Variants in USP24 observed in about 807,000 individuals in gnomAD.
The protein encoded by USP24 is ubiquitin specific peptidase 24, also known as ubiquitin carboxyl-terminal hydrolase 24.
In USP24, 97 loss-of-function variants were observed where a neutral mutation model predicts 361.6. That is an observed-to-expected ratio of 0.27 (90% CI 0.23 to 0.32). USP24 has a LOEUF of 0.32. USP24 is among the 10% of genes least tolerant of loss of function. The pLI, the probability that USP24 is intolerant of heterozygous loss-of-function variation, is 1.00. For missense variants in USP24, 2,353 were observed against 3,165.6 expected (o/e 0.74, Z 6.16); for synonymous variants, 1,098 against 1,124.6 (o/e 0.98, Z 0.47).
In USP24 at chr1:55,079,334, C is replaced by A. The variant is rs555552815; in HGVS notation, c.7200+204G>T. ...GGGCCCTGATGGGTAGCTGGCTGGG[C>A]TGGACCTGGAGGTCTGGACCTTGGC... is the stretch of plus-strand genomic sequence containing the variant. On this transcript the variant is annotated intron_variant, in intron 60 of 67. Transcript: ENST00000294383. Among the ~76,000 whole-genome samples, 291 of 152,212 alleles carry A rather than the reference C, an allele frequency of 1.9e-3. 1 individual carries two copies. The highest frequency in any genetic ancestry group is 3.7e-3 in the Non-Finnish European group (250 of 68,034).
intron 1 of USP24, among the ~76,000 whole-genome samples, chr1:55,201,574 C>A (rs1644575051): frequency 7.8e-6 from 1 of 127,490 alleles, no homozygotes. Context: ...GCACTCTAGC[C>A]TGGGTGACAG....
In USP24 at chr1:55,077,291, C is replaced by T; in HGVS notation, c.7324G>A (p.Glu2442Lys). 1 of 1,539,820 alleles carries T rather than the reference C, an allele frequency of 6.5e-7. No homozygotes were observed. Among genetic ancestry groups the T allele is most frequent in the Non-Finnish European group, 8.8e-7 (1 of 1,137,244 alleles). The change falls in exon 62 of 68, where the codon GAA becomes AAA. Residue 2442 changes from glutamate to lysine, a missense_variant. This residue lies in a region of USP24 where 598 missense variants were observed against 761.9 expected (regional missense o/e 0.78). Transcript: ENST00000294383. ...TTTAACTCATGAGGTGGAGCCGTTTCTAGTTGGTTCTGAAATATTTTTTAA... is the reference window on the plus strand; with the variant it reads ...TTTAACTCATGAGGTGGAGCCGTTTTTAGTTGGTTCTGAAATATTTTTTAA... Reference protein sequence around the residue: ...TMLHFIKNQLETAPPHELKNT... With the variant: ...TMLHFIKNQLKTAPPHELKNT...
chr1:55,200,197 CA>C lies in USP24; in HGVS notation c.324+14592del, dbSNP rs556238778. Among the ~76,000 whole-genome samples the C allele has an allele frequency of 1.9e-3, 282 of 152,320 alleles. 2 individuals carry two copies. Among genetic ancestry groups the C allele is most frequent in the African/African-American group, 6.6e-3 (273 of 41,574 alleles). On this transcript the variant is annotated intron_variant, in intron 1 of 67. Transcript: ENST00000294383. ...ATCAAGTATCAAATCAAATTATACCCAGTTTAAATTTGTAGCAGACCATTTT... is the reference window on the plus strand; with the variant it reads ...ATCAAGTATCAAATCAAATTATACCCGTTTAAATTTGTAGCAGACCATTTT...
At position 55,172,066 on chromosome 1, in the gene USP24, C is replaced by G. The variant is rs541786550; in HGVS notation, c.702+311G>C. Reference sequence around the variant, plus strand: ...TACTGTTACCTGTTGGGGGAAAAGGCCAGAAACCAAACTCCATCTACATGA... The same window carrying G: ...TACTGTTACCTGTTGGGGGAAAAGGGCAGAAACCAAACTCCATCTACATGA... On this transcript the variant is annotated intron_variant, in intron 4 of 67. Coordinates refer to ENST00000294383, the MANE Select transcript of USP24 (RefSeq NM_015306.3). Among the ~76,000 whole-genome samples, 194 of 152,108 alleles carry G rather than the reference C, an allele frequency of 1.3e-3. 1 individual carries two copies. Among genetic ancestry groups the G allele is most frequent in the African/African-American group, 4.6e-3 (192 of 41,490 alleles).
Position 55,129,464 on chromosome 1 carries a change from T to C in USP24, c.3635+13A>G, listed in dbSNP as rs370621682. The C allele has an allele frequency of 1.0e-4, 167 of 1,611,860 alleles. No homozygotes were observed. Among genetic ancestry groups the C allele is most frequent in the Middle Eastern group, 1.7e-4 (1 of 6,058 alleles). On this transcript the variant is annotated intron_variant, in intron 32 of 67. Transcript: ENST00000294383. Reference sequence around the variant, plus strand: ...TTTCGGCAACTCATGTAACATTACATTGAAACTCTAACCTCAAACCGCCAG... The same window carrying C: ...TTTCGGCAACTCATGTAACATTACACTGAAACTCTAACCTCAAACCGCCAG...
At chr1:55,152,969 GAA>G (rs1647270226) in intron 16 of USP24, among the ~76,000 whole-genome samples, 1 of 152,146 alleles carries the variant, frequency 6.6e-6, no homozygotes, top group African/African-American at 2.4e-5. Context: ...AAAAGCCAAG[GAA>G]TATGTTTTAC....
intron 55 of USP24, among the ~76,000 whole-genome samples, chr1:55,088,819 T>C (rs1645308908): frequency 6.6e-6 from 1 of 152,156 alleles, no homozygotes; most frequent in Non-Finnish European, 1.5e-5. Flanking sequence ...ACATTCATAG[T>C]GATTGGAGCA....
intron 38 of USP24, among the ~76,000 whole-genome samples, chr1:55,116,602 G>A (rs961314415): frequency 1.3e-5 from 2 of 150,864 alleles, no homozygotes; most frequent in African/African-American, 4.9e-5. Context: ...AACCTACCAC[G>A]ATTGAATCAG....
rs1465231179 is a variant in USP24 at position 55,148,571 on chromosome 1, C to A, written c.1861-1G>T. 6.4e-7 allele frequency: 1 copy of A among 1,560,292 alleles called. No homozygotes were observed. Among genetic ancestry groups the A allele is most frequent in the Middle Eastern group, 1.7e-4 (1 of 5,978 alleles). ...ACTGGGGATTATTAAGCTGAGATGA[C>A]TAGAGTTAAAAAGAAGTTACATTAA... On this transcript the variant is annotated splice_acceptor_variant, in intron 16 of 67. Transcript: ENST00000294383. LOFTEE classifies it high-confidence loss of function.
intron 32 of USP24, 144 bp downstream of exon 32, chr1:55,129,333 T>G (rs965969987): frequency 1.8e-6 from 1 of 568,808 alleles, no homozygotes; most frequent in Middle Eastern, 3.1e-4. Flanking sequence ...TTTAAAGGAC[T>G]GAAACATCAT....
rs1030528476 is a variant in USP24, at chr1:55,068,348, C to T, written c.*697G>A. The T allele has an allele frequency of 6.6e-6, 1 of 152,164 alleles. No individual in the cohort carries two copies. The highest frequency in any genetic ancestry group is 1.5e-5 in the Non-Finnish European group (1 of 68,028). The allele number at this position is 152,164 out of a possible 1,614,324, so 9.4% of individuals were successfully genotyped here. On this transcript the variant is annotated 3_prime_UTR_variant, in exon 68 of 68. Coordinates refer to ENST00000294383, the MANE Select transcript of USP24 (RefSeq NM_015306.3). Reference sequence around the variant, plus strand: ...GGAGAACACAGCATTTTCAAAATTGCTCTTTTCAATCTAATTATATCAGAA... The same window carrying T: ...GGAGAACACAGCATTTTCAAAATTGTTCTTTTCAATCTAATTATATCAGAA...
At position 55,066,797 on chromosome 1, in the gene USP24, G is replaced by A. The variant is rs1644832569; in HGVS notation, c.*2248C>T. ...CACACAGCATTATTGAGTTAATTGT[G>A]CAATTCCTGCTCTGTTTGCAGACCA... On this transcript the variant is annotated 3_prime_UTR_variant, in exon 68 of 68. Transcript: ENST00000294383. 1 of 152,164 alleles carries A rather than the reference G, an allele frequency of 6.6e-6. No individual in the cohort carries two copies. The highest frequency in any genetic ancestry group is 2.1e-4 in the South Asian group (1 of 4,824). 9.4% of individuals were successfully genotyped at this position (152,164 alleles called of 1,614,324 possible).
intron 62 of USP24, 25 bp downstream of exon 62, chr1:55,077,210 G>C (rs1254172674): frequency 1.4e-6 from 2 of 1,466,400 alleles, no homozygotes; most frequent in South Asian, 2.9e-5. Context: ...CTAAATAAAA[G>C]TGAGTCAGAA....
chr1:55,164,802 A>AT lies in USP24; in HGVS notation c.927+1082dup, dbSNP rs879467445. Among the ~76,000 whole-genome samples the AT allele has an allele frequency of 1.7e-3, 244 of 143,668 alleles. 1 individual carries two copies. The highest frequency in any genetic ancestry group is 0.01 in the East Asian group (50 of 4,966). The allele number at this position is 143,668 out of a possible 152,430, so 94.3% of individuals were successfully genotyped here. A position where few individuals can be genotyped will look rare whatever the true frequency, so the allele number is the denominator to read the frequency against. On this transcript the variant is annotated intron_variant, in intron 7 of 67. Transcript: ENST00000294383. ...GGATAGAAATTTGGGAGTGCTCTGT[A>AT]TTTTTTTTTTTTTAACCCTGGATCT...
At chr1:55,124,771 T>G in intron 34 of USP24, 143 bp from the exon 35 acceptor site, 1 of 855,672 alleles carries the variant, frequency 1.2e-6, no homozygotes, top group Non-Finnish European at 1.8e-6. Context: ...CAAGCTGCCA[T>G]CCTGCTCAAG....
At chr1:55,121,546 G>C (rs1318734932) in intron 36 of USP24, 40 bp from the exon 37 acceptor site, 8 of 1,544,032 alleles carry the variant, frequency 5.2e-6, no homozygotes, top group African/African-American at 1.4e-5. Context: ...TGTGAAACAA[G>C]TTAGGTAATG....
intron 55 of USP24, chr1:55,086,240 G>A: frequency 3.4e-6 from 2 of 590,970 alleles, no homozygotes; most frequent in South Asian, 2.1e-5. Flanking sequence ...ACCAGCCAAG[G>A]CTCTGTTCAA....
rs1452375408 is a variant in USP24, at chr1:55,098,571, A to G, written c.5371-13T>C. 1 of 1,594,570 alleles carries G rather than the reference A, an allele frequency of 6.3e-7. No individual in the cohort carries two copies. The highest frequency in any genetic ancestry group is 1.7e-5 in the Admixed American group (1 of 59,266). ...CTCTCCCCATTTTCTGTTGGAATGA[A>G]AAGTTACAGTTTTAAGTGATGCCTC... On this transcript the variant is annotated splice_polypyrimidine_tract_variant and intron_variant, in intron 45 of 67. Coordinates refer to ENST00000294383, the MANE Select transcript of USP24 (RefSeq NM_015306.3).
intron 39 of USP24, among the ~76,000 whole-genome samples, chr1:55,108,792 T>A (rs1398616439): frequency 6.6e-6 from 1 of 152,200 alleles, no homozygotes; most frequent in Non-Finnish European, 1.5e-5. Flanking sequence ...GCAAAGCCTG[T>A]ATGGCTGCTG....
Sources: gnomAD v4.1 joint callset for allele counts (sites outside exome capture counted in the v4.1 genomes callset) on GRCh38, gnomAD v4.1.1 for gene constraint, gnomAD v4.1.1 regional missense constraint, MANE v1.5 for transcripts, NCBI Gene and HGNC (gene_info 2026-07-23, HGNC 2026-07-21) for gene names.